The following CCNT1 variants were observed in gnomAD, a reference collection of about 807,000 sequenced individuals.
CCNT1 encodes cyclin-T1.
In CCNT1, 18 loss-of-function variants were observed where a neutral mutation model predicts 67.3. The ratio of observed to expected loss-of-function variants is 0.27; its 90% CI spans 0.18 to 0.40. The LOEUF (loss-of-function observed/expected upper bound fraction) is 0.40. CCNT1 is among the 10% of genes least tolerant of loss of function. The pLI is 1.00. For missense variants in CCNT1, 744 were observed against 884.9 expected, an observed-to-expected ratio of 0.84 and a Z score of 2.02; for synonymous variants, 333 against 310.3, an observed-to-expected ratio of 1.07 and a Z score of -0.77.
At chr12:48,709,092 G>A (rs1484699401) in intron 2 of CCNT1, among the ~76,000 whole-genome samples, 1 of 152,046 alleles carries the variant, frequency 6.6e-6, no homozygotes, top group Non-Finnish European at 1.5e-5. Flanking sequence ...GGGGTTGGGG[G>A]GGACTATAAC....
Position 48,702,983 on chromosome 12 carries a change from TG to T in CCNT1, c.373-1911del, listed in dbSNP as rs1940295683. ...CAAAAAAATAAAAATTAACTGGGAG[TG>T]GTGGCACGCAGCTATAGTCCTAGCA... On this transcript the variant is annotated intron_variant, in intron 3 of 8. Transcript: ENST00000261900. Among the ~76,000 whole-genome samples the T allele has an allele frequency of 2.0e-5, 3 of 150,340 alleles. No homozygotes were observed. The South Asian group carries it at 6.3e-4, about 32-fold the overall frequency.
Position 48,694,342 on chromosome 12 carries a change from G to A in CCNT1, c.872C>T (p.Ser291Phe). Residue 291 changes from serine to phenylalanine, a missense_variant, in exon 9 of 9, where the codon TCT becomes TTT. Physicochemically the swap from Ser to Phe is radical, Grantham distance 155 (BLOSUM62 -2). This residue lies in a region of CCNT1 where 564 missense variants were observed against 574.2 expected (regional missense o/e 0.98). Transcript: ENST00000261900. ...QTILNMISQS[S>F]SDTTIAGLMS... ...TAAACCTGCAATGGTTGTGTCTGAA[G>A]AGCTCTGGGAAATCATATTGAGGAT... 6.2e-7 allele frequency: 1 copy of A among 1,614,210 alleles called. No homozygotes were observed.
rs777279868 is a variant in CCNT1, at chr12:48,693,999, C to T, written c.1215G>A (p.Arg405=). The T allele has an allele frequency of 1.7e-5, 27 of 1,614,212 alleles. No homozygotes were observed. The highest frequency in any genetic ancestry group is 6.6e-5 in the South Asian group (6 of 91,084). The stretch of plus-strand genomic sequence containing the variant: ...CATTGGCTTCCATGTTCTCCAGTTG[C>T]CTCTTCTGGGCAGCCAATTCTTCTG... The part of the protein sequence containing the change: ...KHAEELAAQK[R]QLENMEANVK... Residue 405 remains arginine, a synonymous_variant, in exon 9 of 9, where the codon AGG becomes AGA. Transcript: ENST00000261900.
At chr12:48,713,189 AT>A (rs766545993) in intron 2 of CCNT1, among the ~76,000 whole-genome samples, 1 of 140,890 alleles carries the variant, frequency 7.1e-6, no homozygotes, top group Admixed American at 7.8e-5. Context: ...TCTTTGTAAA[AT>A]TTTTTTTACC....
intron 3 of CCNT1, chr12:48,705,531 C>T (rs975930057): frequency 9.1e-6 from 4 of 440,766 alleles, no homozygotes; most frequent in Non-Finnish European, 1.6e-5. Context: ...CCTTACCCTC[C>T]CAAAGTGCTA....
At chr12:48,710,062 TTG>T (rs1001337020) in intron 2 of CCNT1, among the ~76,000 whole-genome samples, 1 of 152,094 alleles carries the variant, frequency 6.6e-6, no homozygotes, top group African/African-American at 2.4e-5. Flanking sequence ...CGGCTGATTT[TTG>T]TGTTTTTAAT....
chr12:48,697,631 T>G (rs971613232), intron 6 of CCNT1, among the ~76,000 whole-genome samples: 4 of 146,456 alleles, frequency 2.7e-5, no homozygotes, highest in Non-Finnish European at 1.5e-5. Flanking sequence ...CCATCCTGGT[T>G]AACAAGGTAA....
chr12:48,694,350 G>C lies in CCNT1; in HGVS notation c.864C>G (p.Ser288=), dbSNP rs1236739346. ...CAATGGTTGTGTCTGAAGAGCTCTG[G>C]GAAATCATATTGAGGATTGTCTGCT... ...TSEQTILNMI[S]QSSSDTTIAG... The change falls in exon 9 of 9, where the codon TCC becomes TCG. Residue 288 remains serine, a synonymous_variant. Transcript: ENST00000261900. 2 of 1,614,158 alleles carry C rather than the reference G, an allele frequency of 1.2e-6. No individual in the cohort carries two copies. Among genetic ancestry groups the C allele is most frequent in the Non-Finnish European group, 1.7e-6 (2 of 1,180,024 alleles).
Position 48,691,872 on chromosome 12 carries a change from A to C in CCNT1, c.*1161T>G, listed in dbSNP as rs148383623. On this transcript the variant is annotated 3_prime_UTR_variant, in exon 9 of 9. Transcript: ENST00000261900. ...AATGTAATTTTTAAAACAATGTTCT[A>C]AACTTCCAAATCACAATTTCATTGT... 1.3e-5 allele frequency: 2 copies of C among 152,370 alleles called. No individual in the cohort carries two copies. The highest frequency in any genetic ancestry group is 3.9e-4 in the East Asian group (2 of 5,186). The allele number at this position is 152,370 out of a possible 1,614,324, so 9.4% of individuals were successfully genotyped here. A position where few individuals can be genotyped will look rare whatever the true frequency, so the allele number is the denominator to read the frequency against.
At chr12:48,697,150 A>AG (rs1160735856) in intron 6 of CCNT1, among the ~76,000 whole-genome samples, 1 of 152,168 alleles carries the variant, frequency 6.6e-6, no homozygotes, top group Admixed American at 6.6e-5. Flanking sequence ...AAAGGGAAGA[A>AG]GGAAAAAGAC....
rs1311176749 is a variant in CCNT1 at position 48,716,542 on chromosome 12, A to T, written c.134T>A (p.Leu45His). ...LSYRQQAANL[L>H]QDMGQRLNVS... is the part of the protein sequence containing the mutation. ...GTTAAGACGCTGCCCCATGTCCTGA[A>T]GCAGATTGGCCGCCTGCTGGCGATA... Residue 45 changes from leucine to histidine, a missense_variant, in exon 1 of 9, where the codon CTT becomes CAT. Physicochemically the swap from Leu to His is moderately conservative, Grantham distance 99. Around this residue, in one of 3 missense-constraint regions of CCNT1, gnomAD observed 142 missense variants for 277.0 expected, o/e 0.51. Transcript: ENST00000261900. The T allele has an allele frequency of 6.2e-7, 1 of 1,614,162 alleles. No homozygotes were observed. The highest frequency in any genetic ancestry group is 1.7e-5 in the Admixed American group (1 of 60,010).
In CCNT1 at chr12:48,693,258, G is replaced by T. The variant is rs756674370; in HGVS notation, c.1956C>A (p.Thr652=). The change falls in exon 9 of 9, where the codon ACC becomes ACA. Residue 652 remains threonine (T), a synonymous_variant. Coordinates refer to ENST00000261900, the MANE Select transcript of CCNT1 (RefSeq NM_001240.4). ...CAGTGTCTTGATAGTCTATTGTCTG[G>T]GTCGTGTTGTGACCATTGGCCCCAG... is the stretch of plus-strand genomic sequence containing the variant. ...GPTGANGHNT[T]QTIDYQDTVN... 10 of 1,614,198 alleles carry T rather than the reference G, an allele frequency of 6.2e-6. No individual in the cohort carries two copies. The highest frequency in any genetic ancestry group is 8.5e-6 in the Non-Finnish European group (10 of 1,180,026).
intron 2 of CCNT1, among the ~76,000 whole-genome samples, chr12:48,707,886 C>T (rs898636107): frequency 2.0e-5 from 3 of 151,654 alleles, no homozygotes; most frequent in Non-Finnish European, 2.9e-5. Flanking sequence ...GGTGAAACCC[C>T]GTCTCTACTA....
chr12:48,694,782 T>C (rs1940143281), intron 8 of CCNT1, among the ~76,000 whole-genome samples: 1 of 152,236 alleles, frequency 6.6e-6, no homozygotes, highest in African/African-American at 2.4e-5. Context: ...AAGTAAAAGA[T>C]GTGCTCTCAA....
Position 48,701,023 on chromosome 12 carries a change from C to T in CCNT1, c.423G>A (p.Leu141=), listed in dbSNP as rs1240416698. The change falls in exon 4 of 9, where the codon TTG becomes TTA. Residue 141 remains leucine (L), a synonymous_variant. Transcript: ENST00000261900. ...QDLVILESII[L]QTLGFELTID... Reference sequence around the variant, plus strand: ...GGAAAATAAACTTACCTAAAGTCTGCAAAATTATGCTTTCTAAAATGACCA... The same window carrying T: ...GGAAAATAAACTTACCTAAAGTCTGTAAAATTATGCTTTCTAAAATGACCA... 7 of 1,570,500 alleles carry T rather than the reference C, an allele frequency of 4.5e-6. No homozygotes were observed. The highest frequency in any genetic ancestry group is 6.1e-6 in the Non-Finnish European group (7 of 1,152,726).
chr12:48,703,495 C>T (rs1011439248), intron 3 of CCNT1, among the ~76,000 whole-genome samples: 7 of 151,848 alleles, frequency 4.6e-5, no homozygotes, highest in African/African-American at 1.7e-4. Flanking sequence ...ATCGCTTGAA[C>T]CCAGGAGGGG....
In CCNT1 at chr12:48,699,809, A is replaced by G; in HGVS notation, c.465T>C (p.Thr155=). ...CAAGTTGAGTGCACTTTACTACATG[A>G]GTATGTGGGTGATCAATTGTTAGTT... ...GFELTIDHPH[T]HVVKCTQLVR... is the part of the protein sequence containing the mutation. Residue 155 remains threonine, a synonymous_variant, in exon 5 of 9, where the codon ACT becomes ACC. Coordinates refer to ENST00000261900, the MANE Select transcript of CCNT1 (RefSeq NM_001240.4). 1 of 1,608,604 alleles carries G rather than the reference A, an allele frequency of 6.2e-7. No individual in the cohort carries two copies.
intron 6 of CCNT1, among the ~76,000 whole-genome samples, chr12:48,697,534 A>AAAATATATAT (rs1288926072): frequency 3.1e-4 from 41 of 130,680 alleles, no homozygotes; most frequent in African/African-American, 1.1e-3. Flanking sequence ...AAAAAAAAAA[A>AAAATATATAT]ATATATATAT....
At chr12:48,713,180 C>A in intron 2 of CCNT1, among the ~76,000 whole-genome samples, 1 of 147,522 alleles carries the variant, frequency 6.8e-6, no homozygotes. Context: ...TCTTCCTGTT[C>A]TTTGTAAAAT....
Sources: allele counts gnomAD v4.1 joint callset (sites outside exome capture counted in the v4.1 genomes callset), GRCh38; gene constraint gnomAD v4.1.1; regional missense constraint gnomAD v4.1.1; transcripts MANE v1.5; gene names NCBI Gene and HGNC (gene_info 2026-07-23, HGNC 2026-07-21).